The following RASAL2 variants were observed in gnomAD, a reference collection of about 807,000 sequenced individuals.
RASAL2 encodes the protein ras GTPase-activating protein nGAP.
In RASAL2, 58 loss-of-function variants were observed where a neutral mutation model predicts 128.9. The ratio of observed to expected loss-of-function variants is 0.45; its 90% CI spans 0.36 to 0.56. The LOEUF is 0.56. Among genes scored for constraint, RASAL2 ranks in the 20% least tolerant of loss-of-function variants. The pLI is 0.00. For synonymous variants in RASAL2, 561 were observed against 580.8 expected (o/e 0.97, Z 0.49); for missense variants, 1,360 against 1,601.6 (o/e 0.85, Z 2.57).
chr1:178,247,727 A>C (rs1295313180), intron 1 of RASAL2, among the ~76,000 whole-genome samples: 1 of 152,122 alleles, frequency 6.6e-6, no homozygotes, highest in Non-Finnish European at 1.5e-5. Flanking sequence ...TTTCCCTCTT[A>C]ACACTGCCTT....
rs1044423379 is a variant in RASAL2, at chr1:178,403,943, A to G, written c.564+13737A>G. Among the ~76,000 whole-genome samples the G allele has an allele frequency of 1.2e-4, 18 of 152,250 alleles. 1 individual carries two copies. The highest frequency in any genetic ancestry group is 4.3e-4 in the African/African-American group (18 of 41,568). On this transcript the variant is annotated intron_variant, in intron 4 of 17. Transcript: ENST00000367649. The stretch of plus-strand genomic sequence containing the variant: ...TATTTACAACATGTAGGAAACTATT[A>G]AGGTCGGGCACGGTGGCTCACGCCT...
intron 1 of RASAL2, among the ~76,000 whole-genome samples, chr1:178,142,609 T>G (rs1357427614): frequency 6.6e-6 from 1 of 152,114 alleles, no homozygotes; most frequent in South Asian, 2.1e-4. Context: ...GGGTTAGCTT[T>G]TTTAGATGTT....
chr1:178,329,322 A>G (rs1669183072), intron 3 of RASAL2, among the ~76,000 whole-genome samples: 1 of 152,176 alleles, frequency 6.6e-6, no homozygotes, highest in Non-Finnish European at 1.5e-5. Context: ...TGAAGATCTG[A>G]AAGAAAATGT....
intron 14 of RASAL2, among the ~76,000 whole-genome samples, chr1:178,463,579 A>C (rs1415752310): frequency 6.6e-6 from 1 of 152,138 alleles, no homozygotes; most frequent in East Asian, 1.9e-4. Flanking sequence ...GTATTCAAGA[A>C]ATTTTCCAGT....
intron 17 of RASAL2, among the ~76,000 whole-genome samples, chr1:178,468,248 C>G (rs1455228972): frequency 1.3e-5 from 2 of 152,326 alleles, no homozygotes; most frequent in Admixed American, 6.5e-5. Context: ...AGTGGCTGAT[C>G]TAGCCACTGA....
chr1:178,453,206 A>G (rs1677513064), intron 11 of RASAL2, among the ~76,000 whole-genome samples: 1 of 152,128 alleles, frequency 6.6e-6, no homozygotes, highest in South Asian at 2.1e-4. Flanking sequence ...GGAAAAATAT[A>G]TATATATGTC....
intron 1 of RASAL2, among the ~76,000 whole-genome samples, chr1:178,223,017 A>G (rs1663663840): frequency 6.6e-6 from 1 of 152,100 alleles, no homozygotes; most frequent in African/African-American, 2.4e-5. Flanking sequence ...CTGTATTTTG[A>G]TGTAATCTTC....
intron 16 of RASAL2, 25 bp from the exon 17 acceptor site, chr1:178,467,309 A>T (rs770008723): frequency 6.3e-7 from 1 of 1,596,290 alleles, no homozygotes; most frequent in Admixed American, 1.7e-5. Flanking sequence ...GAAGATGTTG[A>T]TATTTCCTTC....
chr1:178,278,597 G>C (rs957107697), intron 1 of RASAL2, among the ~76,000 whole-genome samples: 1 of 152,008 alleles, frequency 6.6e-6, no homozygotes, highest in African/African-American at 2.4e-5. Context: ...AACTTCTAAG[G>C]AGCCGTAAGA....
chr1:178,106,632 A>G (rs1319603165), intron 1 of RASAL2, among the ~76,000 whole-genome samples: 1 of 152,184 alleles, frequency 6.6e-6, no homozygotes, highest in Non-Finnish European at 1.5e-5. Flanking sequence ...TTTATAGAAA[A>G]TAAAATTTAT....
At chr1:178,465,483 CTT>C in intron 15 of RASAL2, among the ~76,000 whole-genome samples, 1 of 152,142 alleles carries the variant, frequency 6.6e-6, no homozygotes, top group East Asian at 1.9e-4. Context: ...ATCTTTTTCT[CTT>C]ATAGACAACT....
intron 1 of RASAL2, among the ~76,000 whole-genome samples, chr1:178,242,471 CTCTCTCTCTCTTTCATCTCTCTCTCTTG>C (rs1558136007): frequency 3.5e-5 from 3 of 86,712 alleles, no homozygotes; most frequent in Non-Finnish European, 7.0e-5. Flanking sequence ...CTCTCTCTCT[CTCTCTCTCTCTTTCATCTCTCTCTCTTG>C]TCTCTCTCTC....
chr1:178,463,119 G>T (rs573916443), intron 14 of RASAL2, among the ~76,000 whole-genome samples: 1 of 152,234 alleles, frequency 6.6e-6, no homozygotes, highest in South Asian at 2.1e-4. Flanking sequence ...AGATCCTTAA[G>T]ATGTAATGGC....
intron 3 of RASAL2, among the ~76,000 whole-genome samples, chr1:178,362,710 G>C (rs757394945): frequency 3.3e-5 from 5 of 150,550 alleles, no homozygotes; most frequent in Non-Finnish European, 7.4e-5. Flanking sequence ...GCATTTTTTG[G>C]TTTTTCATTA....
At chr1:178,139,695 A>G (rs1422096854) in intron 1 of RASAL2, among the ~76,000 whole-genome samples, 1 of 152,016 alleles carries the variant, frequency 6.6e-6, no homozygotes, top group South Asian at 2.1e-4. Context: ...TGTAATTATC[A>G]TATAAAATTG....
At chr1:178,204,346 G>A (rs564463083) in intron 1 of RASAL2, among the ~76,000 whole-genome samples, 31 of 152,252 alleles carry the variant, frequency 2.0e-4, no homozygotes, top group Non-Finnish European at 3.4e-4. Flanking sequence ...GGGTGGACTT[G>A]TGATAGTTAA....
chr1:178,433,328 C>T (rs1305204945), intron 5 of RASAL2, among the ~76,000 whole-genome samples: 3 of 152,064 alleles, frequency 2.0e-5, no homozygotes. Context: ...CCTTAAAATC[C>T]TCTACTTAGT....
At chr1:178,470,741 C>T in intron 17 of RASAL2, 1 of 1,364,692 alleles carries the variant, frequency 7.3e-7, no homozygotes, top group Non-Finnish European at 9.8e-7. Flanking sequence ...AACCCCGCGT[C>T]CGTTCTCTAG....
At chr1:178,199,788 C>T (rs777274075) in intron 1 of RASAL2, among the ~76,000 whole-genome samples, 6 of 152,094 alleles carry the variant, frequency 3.9e-5, no homozygotes, top group Non-Finnish European at 7.3e-5. Context: ...CCAGGTCTAT[C>T]CGTGAGGGTG....
Sources: gnomAD v4.1 joint callset for allele counts (sites outside exome capture counted in the v4.1 genomes callset) on GRCh38, gnomAD v4.1.1 for gene constraint, MANE v1.5 for transcripts, NCBI Gene and HGNC (gene_info 2026-07-23, HGNC 2026-07-21) for gene names.